The following MCTP2 variants were observed in gnomAD, a reference collection of about 807,000 sequenced individuals.
The protein encoded by MCTP2 is multiple C2 and transmembrane domain-containing protein 2.
MCTP2 carries 132 observed loss-of-function variants against 111.6 expected under a neutral mutation model. The ratio of observed to expected loss-of-function variants is 1.18; its 90% confidence interval spans 1.03 to 1.37. The LOEUF (loss-of-function observed/expected upper bound fraction) is 1.37, where lower values mean the gene tolerates loss of function less well. Among genes scored for constraint, MCTP2 ranks in the 40% most tolerant of loss-of-function variants. MCTP2 has a pLI of 0.00. For synonymous variants in MCTP2, 395 were observed against 387.7 expected (o/e 1.02, Z -0.22); for missense variants, 1,183 against 1,067.9 (o/e 1.11, Z -1.50).
chr15:94,247,374 A>G (rs369171669), intron 1 of MCTP2, among the ~76,000 whole-genome samples: 6 of 152,228 alleles, frequency 3.9e-5, no homozygotes, highest in African/African-American at 1.4e-4. Context: ...CTGCCTATTA[A>G]GATCCAAATG....
At chr15:94,250,502 C>T (rs2072336745) in intron 1 of MCTP2, among the ~76,000 whole-genome samples, 1 of 152,168 alleles carries the variant, frequency 6.6e-6, no homozygotes, top group South Asian at 2.1e-4. Context: ...TCTAAAAACA[C>T]ATTAAGGCAA....
At chr15:94,361,277 G>C (rs1195758183) in intron 10 of MCTP2, among the ~76,000 whole-genome samples, 1 of 151,726 alleles carries the variant, frequency 6.6e-6, no homozygotes, top group Non-Finnish European at 1.5e-5. Flanking sequence ...ATAAAACCTT[G>C]ATATTCATAA....
intron 2 of MCTP2, among the ~76,000 whole-genome samples, chr15:94,300,819 G>C (rs1330066491): frequency 2.0e-5 from 3 of 152,134 alleles, no homozygotes; most frequent in Non-Finnish European, 4.4e-5. Flanking sequence ...AGAGGATAGT[G>C]TGCTTGCCAG....
intron 20 of MCTP2, among the ~76,000 whole-genome samples, chr15:94,459,873 C>G (rs1004570049): frequency 7.9e-5 from 12 of 152,190 alleles, no homozygotes; most frequent in African/African-American, 2.4e-4. Flanking sequence ...TTTAAACACA[C>G]TAGCTCCTTT....
chr15:94,321,543 C>G (rs1020214172), intron 4 of MCTP2, among the ~76,000 whole-genome samples: 1 of 152,176 alleles, frequency 6.6e-6, no homozygotes, highest in Admixed American at 6.5e-5. Context: ...GTTCTTGACT[C>G]CCAGTACAGA....
At chr15:94,318,756 T>A (rs1473923083) in intron 4 of MCTP2, among the ~76,000 whole-genome samples, 1 of 152,202 alleles carries the variant, frequency 6.6e-6, no homozygotes, top group African/African-American at 2.4e-5. Flanking sequence ...AGTACACTGA[T>A]TAGATGATGA....
At chr15:94,400,178 A>G (rs2081497066) in intron 16 of MCTP2, among the ~76,000 whole-genome samples, 183 bp downstream of exon 16, 1 of 152,132 alleles carries the variant, frequency 6.6e-6, no homozygotes, top group Non-Finnish European at 1.5e-5. Context: ...TAAGGAGGTC[A>G]GTCAGCTCCC....
intron 20 of MCTP2, among the ~76,000 whole-genome samples, chr15:94,463,459 C>G (rs964869296): frequency 6.6e-6 from 1 of 152,198 alleles, no homozygotes; most frequent in East Asian, 1.9e-4. Context: ...TTTCTAATAA[C>G]CAGGTAAACT....
intron 2 of MCTP2, among the ~76,000 whole-genome samples, chr15:94,305,867 T>G (rs2075855631): frequency 6.6e-6 from 1 of 152,180 alleles, no homozygotes; most frequent in African/African-American, 2.4e-5. Flanking sequence ...AGCTTATTTT[T>G]TTATTTTTTT....
intron 17 of MCTP2, among the ~76,000 whole-genome samples, chr15:94,406,440 G>A (rs185758307): frequency 1.7e-4 from 26 of 152,264 alleles, no homozygotes; most frequent in Admixed American, 1.2e-3. Flanking sequence ...TAGTGACACC[G>A]GGACCAACCA....
At chr15:94,404,774 T>G (rs115282814) in intron 17 of MCTP2, among the ~76,000 whole-genome samples, 1,860 of 152,262 alleles carry the variant, frequency 0.012, 32 homozygotes, top group African/African-American at 0.041. Flanking sequence ...CTGGCTGTAG[T>G]GCTGTGTCCC....
intron 2 of MCTP2, among the ~76,000 whole-genome samples, chr15:94,300,299 G>A (rs772007289): frequency 2.6e-5 from 4 of 152,060 alleles, no homozygotes; most frequent in Non-Finnish European, 2.9e-5. Flanking sequence ...CACGAGGTCA[G>A]GAGATTGAGA....
intron 2 of MCTP2, among the ~76,000 whole-genome samples, chr15:94,311,855 A>G (rs533857996): frequency 3.3e-5 from 5 of 152,356 alleles, no homozygotes; most frequent in Middle Eastern, 3.4e-3. Context: ...AATTAACATC[A>G]TCATTCAGTA....
intron 21 of MCTP2, among the ~76,000 whole-genome samples, chr15:94,475,849 G>A (rs1189312085): frequency 2.6e-5 from 4 of 152,116 alleles, no homozygotes; most frequent in South Asian, 2.1e-4. Flanking sequence ...GGATATGCAC[G>A]GGAACCCAAG....
At position 94,244,260 on chromosome 15, in the gene MCTP2, ATATT is replaced by A. The variant is rs200672827; in HGVS notation, c.-66+12600_-66+12603del. ...TACACGTGTATACACATATGTGTAT[ATATT>A]TATATACACACATATATACACATAC... is the stretch of plus-strand genomic sequence containing the variant. On this transcript the variant is annotated intron_variant, in intron 1 of 22. Transcript: ENST00000357742. 3.7e-3 allele frequency among the ~76,000 whole-genome samples: 518 copies of A among 139,398 alleles called. 5 individuals carry two copies. The highest frequency in any genetic ancestry group is 0.014 in the African/African-American group (478 of 34,400). 91.5% of individuals were successfully genotyped at this position (139,398 alleles called of 152,430 possible). A position where few individuals can be genotyped will look rare whatever the true frequency, so the allele number is the denominator to read the frequency against.
intron 22 of MCTP2, 32 bp downstream of exon 22, chr15:94,476,825 C>A: frequency 7.8e-7 from 1 of 1,284,396 alleles, no homozygotes; most frequent in Non-Finnish European, 1.1e-6. Context: ...CCAACAGTGG[C>A]CCCAACCTGA....
At chr15:94,425,949 A>C (rs1038901152) in intron 17 of MCTP2, among the ~76,000 whole-genome samples, 1 of 152,148 alleles carries the variant, frequency 6.6e-6, no homozygotes, top group Non-Finnish European at 1.5e-5. Context: ...GATTAGGTAA[A>C]TCTTATACAA....
At chr15:94,319,105 C>G (rs1042385078) in intron 4 of MCTP2, among the ~76,000 whole-genome samples, 1 of 149,342 alleles carries the variant, frequency 6.7e-6, no homozygotes, top group African/African-American at 2.5e-5. Flanking sequence ...CCCACTCTTT[C>G]AACATTTTTT....
intron 14 of MCTP2, among the ~76,000 whole-genome samples, chr15:94,387,123 C>A (rs1188287580): frequency 6.6e-6 from 1 of 151,740 alleles, no homozygotes; most frequent in East Asian, 1.9e-4. Context: ...TCCCTTCCTC[C>A]TTCCTCCTTC....
Sources: allele counts gnomAD v4.1 joint callset (sites outside exome capture counted in the v4.1 genomes callset), GRCh38; gene constraint gnomAD v4.1.1; transcripts MANE v1.5; gene names NCBI Gene and HGNC (gene_info 2026-07-23, HGNC 2026-07-21).